The following ANKRD6 variants were observed in gnomAD, a reference collection of about 807,000 sequenced individuals.
ANKRD6 encodes ankyrin repeat domain-containing protein 6.
ANKRD6 carries 56 observed loss-of-function variants against 82.3 expected under a neutral mutation model. The ratio of observed to expected loss-of-function variants is 0.68; its 90% CI spans 0.55 to 0.85. The LOEUF is 0.85. ANKRD6 is among the 40% of genes least tolerant of loss of function. The pLI, the probability that ANKRD6 is intolerant of heterozygous loss-of-function variation, is 0.00. For missense variants in ANKRD6, 852 were observed against 907.6 expected (o/e 0.94, Z 0.79); for synonymous variants, 347 against 352.1 (o/e 0.99, Z 0.16).
intron 1 of ANKRD6, among the ~76,000 whole-genome samples, chr6:89,437,926 C>T (rs1770855204): frequency 6.6e-6 from 1 of 152,124 alleles, no homozygotes; most frequent in Admixed American, 6.6e-5. Context: ...TCCTAAGTAG[C>T]TGGGACTACA....
At chr6:89,564,861 G>T (rs555781594) in intron 1 of ANKRD6, among the ~76,000 whole-genome samples, 1 of 151,802 alleles carries the variant, frequency 6.6e-6, no homozygotes, top group Admixed American at 6.6e-5. Context: ...GGTAGATGAC[G>T]GGGGGGAGGG....
intron 4 of ANKRD6, among the ~76,000 whole-genome samples, chr6:89,603,868 G>A (rs1212753620): frequency 2.0e-5 from 3 of 152,168 alleles, no homozygotes; most frequent in Non-Finnish European, 4.4e-5. Flanking sequence ...AGGCGTGGTA[G>A]TGTACACACC....
At chr6:89,541,206 T>C (rs756315309) in intron 1 of ANKRD6, among the ~76,000 whole-genome samples, 12 of 152,050 alleles carry the variant, frequency 7.9e-5, no homozygotes, top group Non-Finnish European at 1.5e-4. Context: ...AGTCTATAGA[T>C]TGCTTTGGGT....
chr6:89,581,683 A>G (rs1352578489), intron 2 of ANKRD6: 2 of 152,054 alleles, frequency 1.3e-5, no homozygotes, highest in African/African-American at 4.8e-5. Flanking sequence ...ATGGGAGGGG[A>G]ATAGAAGAGG....
At chr6:89,624,424 T>C in intron 12 of ANKRD6, 115 bp from the exon 13 acceptor site, 1 of 1,301,050 alleles carries the variant, frequency 7.7e-7, no homozygotes. Context: ...AGGATGAGCC[T>C]ATCTCTTCCA....
Position 89,488,900 on chromosome 6 carries a change from A to ATTCTATTCTC in ANKRD6, c.-144+55534_-144+55535insCTTCTATTCT, listed in dbSNP as rs1554219751. On this transcript the variant is annotated intron_variant, in intron 1 of 15. Coordinates refer to ENST00000339746, the MANE Select transcript of ANKRD6 (RefSeq NM_001242809.2). ...ATTCTATTCTATTCTATTCTATTCTATTCTATTCTATTCTATTCTATTCTA... is the reference window on the plus strand; with the variant it reads ...ATTCTATTCTATTCTATTCTATTCTATTCTATTCTCTTCTATTCTATTCTATTCTATTCTA... Among the ~76,000 whole-genome samples the ATTCTATTCTC allele has an allele frequency of 3.3e-5, 5 of 151,796 alleles. No homozygotes were observed. The East Asian group carries it at 9.7e-4, about 29-fold the overall frequency.
intron 3 of ANKRD6, among the ~76,000 whole-genome samples, chr6:89,598,915 C>T (rs1796469773): frequency 6.6e-6 from 1 of 152,124 alleles, no homozygotes; most frequent in Non-Finnish European, 1.5e-5. Context: ...GAGGCTCGTC[C>T]TAAGGTTAAT....
intron 1 of ANKRD6, among the ~76,000 whole-genome samples, chr6:89,551,678 A>T (rs1482285571): frequency 1.3e-5 from 2 of 152,188 alleles, no homozygotes; most frequent in East Asian, 3.9e-4. Flanking sequence ...GGGAAAGGGC[A>T]CAGGGTTAAC....
intron 1 of ANKRD6, among the ~76,000 whole-genome samples, chr6:89,559,585 G>T (rs545898199): frequency 1.3e-5 from 2 of 152,190 alleles, no homozygotes; most frequent in Non-Finnish European, 2.9e-5. Flanking sequence ...ACATAGAATT[G>T]GTTTTATTGT....
intron 1 of ANKRD6, among the ~76,000 whole-genome samples, chr6:89,544,805 C>T (rs1368736194): frequency 6.6e-6 from 1 of 152,158 alleles, no homozygotes; most frequent in East Asian, 1.9e-4. Context: ...TGATCCTTAT[C>T]AACTGGAGTG....
At chr6:89,447,899 C>T (rs2127950186) in intron 1 of ANKRD6, among the ~76,000 whole-genome samples, 1 of 145,176 alleles carries the variant, frequency 6.9e-6, no homozygotes, top group South Asian at 2.2e-4. Context: ...GTTGGTCAGG[C>T]TGGTCTTGAA....
chr6:89,493,386 C>A (rs1349095126), intron 1 of ANKRD6, among the ~76,000 whole-genome samples: 4 of 151,966 alleles, frequency 2.6e-5, no homozygotes, highest in Non-Finnish European at 1.5e-5. Context: ...TGTCAACTCT[C>A]ACTCTCTCTC....
At chr6:89,519,145 CG>C (rs1781589931) in intron 1 of ANKRD6, among the ~76,000 whole-genome samples, 1 of 152,110 alleles carries the variant, frequency 6.6e-6, no homozygotes, top group South Asian at 2.1e-4. Context: ...TGGGCTTCAG[CG>C]TATGAATTTT....
intron 1 of ANKRD6, among the ~76,000 whole-genome samples, chr6:89,548,840 ATAGT>A (rs1785443963): frequency 6.6e-6 from 1 of 152,198 alleles, no homozygotes; most frequent in Non-Finnish European, 1.5e-5. Context: ...TTGCATAGTA[ATAGT>A]TAGGTTTCCA....
At chr6:89,572,830 C>T (rs1790245743) in intron 2 of ANKRD6, among the ~76,000 whole-genome samples, 1 of 152,144 alleles carries the variant, frequency 6.6e-6, no homozygotes, top group Admixed American at 6.5e-5. Context: ...TGACCATATA[C>T]ATGAAGGTTT....
At chr6:89,471,352 A>G (rs898011554) in intron 1 of ANKRD6, among the ~76,000 whole-genome samples, 3 of 148,860 alleles carry the variant, frequency 2.0e-5, no homozygotes, top group Non-Finnish European at 4.5e-5. Flanking sequence ...CTCAAAAACA[A>G]CAACAACAAA....
intron 1 of ANKRD6, chr6:89,478,134 G>A (rs1776299293): frequency 6.6e-6 from 1 of 151,982 alleles, no homozygotes; most frequent in Non-Finnish European, 1.5e-5. Context: ...ATAAAAGGAG[G>A]AAATTCGCTA....
chr6:89,498,304 A>G (rs1355011600), intron 1 of ANKRD6, among the ~76,000 whole-genome samples: 1 of 152,214 alleles, frequency 6.6e-6, no homozygotes, highest in East Asian at 1.9e-4. Context: ...AAGGAGCAAA[A>G]TACTTTGAGA....
rs539101570 is a variant in ANKRD6, at chr6:89,633,211, G to C, written c.*2207G>C. The stretch of plus-strand genomic sequence containing the variant: ...CTCTTGGAGGTCTGTCGTAGAAGAA[G>C]AAACAAATAGAGGTGATGAAGACAC... On this transcript the variant is annotated 3_prime_UTR_variant, in exon 16 of 16. Coordinates refer to ENST00000339746, the MANE Select transcript of ANKRD6 (RefSeq NM_001242809.2). The C allele has an allele frequency of 6.6e-6, 1 of 152,152 alleles. No homozygotes were observed. The highest frequency in any genetic ancestry group is 1.5e-5 in the Non-Finnish European group (1 of 68,034). 9.4% of individuals were successfully genotyped at this position (152,152 alleles called of 1,614,324 possible).
Sources: allele counts gnomAD v4.1 joint callset (sites outside exome capture counted in the v4.1 genomes callset), GRCh38; gene constraint gnomAD v4.1.1; transcripts MANE v1.5; gene names NCBI Gene and HGNC (gene_info 2026-07-23, HGNC 2026-07-21).